Variants in CDX1 observed in about 807,000 individuals in gnomAD.
CDX1 encodes the protein homeobox protein CDX-1.
A neutral mutation model predicts 16.9 loss-of-function variants in CDX1; 9 were observed. The observed-to-expected ratio is 0.53, with a 90% CI of 0.32 to 0.93. CDX1 has a LOEUF of 0.93. CDX1 is among the 40% of genes least tolerant of loss of function. CDX1 has a pLI of 0.04. For synonymous variants in CDX1, 179 were observed against 179.0 expected (o/e 1.00, Z 0.00); for missense variants, 393 against 386.1 (o/e 1.02, Z -0.15).
chr5:150,175,543 G>T (rs972987076), intron 1 of CDX1, among the ~76,000 whole-genome samples: 2 of 152,024 alleles, frequency 1.3e-5, no homozygotes, highest in Non-Finnish European at 2.9e-5. Context: ...CCCTTTCCCC[G>T]CTCCCATGCC....
At position 150,174,465 on chromosome 5, in the gene CDX1, G is replaced by A. The variant is rs376724727; in HGVS notation, c.445+7144G>A. On this transcript the variant is annotated intron_variant, in intron 1 of 2. Transcript: ENST00000231656. Reference sequence around the variant, plus strand: ...ACTGGCTGCTTTGCAGCTAGTAGGCGTGTGCTGCAGTGTGGGCGTCCGGAC... The same window carrying A: ...ACTGGCTGCTTTGCAGCTAGTAGGCATGTGCTGCAGTGTGGGCGTCCGGAC... 1.0e-3 allele frequency among the ~76,000 whole-genome samples: 152 copies of A among 152,334 alleles called. 1 individual carries two copies. The highest frequency in any genetic ancestry group is 3.3e-3 in the African/African-American group (137 of 41,572).
At chr5:150,174,153 C>G (rs946853629) in intron 1 of CDX1, among the ~76,000 whole-genome samples, 2 of 152,212 alleles carry the variant, frequency 1.3e-5, no homozygotes, top group Non-Finnish European at 2.9e-5. Flanking sequence ...GGGCTGGAGG[C>G]AGAGCCCCTC....
In CDX1 at chr5:150,167,047, C is replaced by T. The variant is rs1335935397; in HGVS notation, c.171C>T (p.Pro57=). The change falls in exon 1 of 3, where the codon CCC becomes CCT. Residue 57 remains proline (P), a synonymous_variant. Transcript: ENST00000231656. ...CTCACGTGGAGCCGGCCCCCGCGCC[C>T]CCGACGGCCTGGGGGGCGCCCTTCC... The part of the protein sequence containing the change: ...SYSHVEPAPA[P]PTAWGAPFPA... 12 of 1,431,684 alleles carry T rather than the reference C, an allele frequency of 8.4e-6. No homozygotes were observed. The highest frequency in any genetic ancestry group is 1.1e-5 in the Non-Finnish European group (12 of 1,098,204). 88.7% of individuals were successfully genotyped at this position (1,431,684 alleles called of 1,614,324 possible). A position where few individuals can be genotyped will look rare whatever the true frequency, so the allele number is the denominator to read the frequency against.
chr5:150,179,068 A>T (rs755271829), intron 1 of CDX1, among the ~76,000 whole-genome samples: 14 of 152,056 alleles, frequency 9.2e-5, no homozygotes, highest in Non-Finnish European at 7.3e-5. Flanking sequence ...TGGAAGTGGG[A>T]TTCTTCGGTC....
intron 1 of CDX1, among the ~76,000 whole-genome samples, chr5:150,175,554 A>G (rs920166275): frequency 3.3e-5 from 5 of 152,110 alleles, no homozygotes; most frequent in Non-Finnish European, 5.9e-5. Flanking sequence ...CTCCCATGCC[A>G]GCTTCATCCC....
intron 1 of CDX1, among the ~76,000 whole-genome samples, chr5:150,176,583 G>C (rs949296176): frequency 6.6e-6 from 1 of 152,162 alleles, no homozygotes; most frequent in Admixed American, 6.5e-5. Context: ...TGGCAGGGGG[G>C]GCCAGGAGGT....
At chr5:150,183,199 G>C (rs1383993258) in intron 2 of CDX1, among the ~76,000 whole-genome samples, 1 of 152,214 alleles carries the variant, frequency 6.6e-6, no homozygotes, top group African/African-American at 2.4e-5. Flanking sequence ...TAGGGGAGCA[G>C]TCACAGGGAT....
intron 1 of CDX1, among the ~76,000 whole-genome samples, chr5:150,181,132 C>T (rs989296718): frequency 6.6e-6 from 1 of 152,220 alleles, no homozygotes; most frequent in South Asian, 2.1e-4. Flanking sequence ...CTCACTGCAC[C>T]TCAGCTCCAC....
chr5:150,179,986 AC>A (rs992815719), intron 1 of CDX1, among the ~76,000 whole-genome samples: 3 of 152,142 alleles, frequency 2.0e-5, no homozygotes, highest in African/African-American at 7.2e-5. Flanking sequence ...GGCCTCAGTG[AC>A]CCTGACTACA....
chr5:150,167,420 T>C (rs1242147676), intron 1 of CDX1, 99 bp downstream of exon 1: 15 of 828,076 alleles, frequency 1.8e-5, no homozygotes, highest in Non-Finnish European at 1.8e-5. Flanking sequence ...CCTGCTCGGG[T>C]TCCCGGGAGT....
Position 150,183,549 on chromosome 5 carries a change from C to G in CDX1, c.667C>G (p.Pro223Ala), listed in dbSNP as rs1752498109. Reference sequence around the variant, plus strand: ...GAAGAAACAGCAGCAGCAACAGCCCCCACAGCCGCCGATGGCCCACGACAT... The same window carrying G: ...GAAGAAACAGCAGCAGCAACAGCCCGCACAGCCGCCGATGGCCCACGACAT... Reference protein sequence around the residue: ...NKKKQQQQQPPQPPMAHDITA... With the variant: ...NKKKQQQQQPAQPPMAHDITA... The change falls in exon 3 of 3, where the codon CCA (proline) becomes GCA (alanine). Residue 223 changes from proline to alanine, a missense_variant. By Grantham distance (27) the Pro-to-Ala change is conservative. Coordinates refer to ENST00000231656, the MANE Select transcript of CDX1 (RefSeq NM_001804.3). 6.2e-7 allele frequency: 1 copy of G among 1,612,476 alleles called. No individual in the cohort carries two copies. The highest frequency in any genetic ancestry group is 8.5e-7 in the Non-Finnish European group (1 of 1,178,946).
At chr5:150,173,622 TGAA>T (rs1382194512) in intron 1 of CDX1, among the ~76,000 whole-genome samples, 1 of 152,204 alleles carries the variant, frequency 6.6e-6, no homozygotes, top group Non-Finnish European at 1.5e-5. Flanking sequence ...TCCCCTGCCA[TGAA>T]GGAGATAATG....
rs1752516646 is a variant in CDX1 at position 150,184,221 on chromosome 5, A to G, written c.*541A>G. On this transcript the variant is annotated 3_prime_UTR_variant, in exon 3 of 3. Transcript: ENST00000231656. ...GGATACTAAGCACAAAGCCCATAGC[A>G]CTGGGCTCTGATGGCTGCTCCACTG... 6.6e-6 allele frequency: 1 copy of G among 152,328 alleles called. No homozygotes were observed. The highest frequency in any genetic ancestry group is 2.4e-5 in the African/African-American group (1 of 41,460). 9.4% of individuals were successfully genotyped at this position (152,328 alleles called of 1,614,324 possible). A position where few individuals can be genotyped will look rare whatever the true frequency, so the allele number is the denominator to read the frequency against.
intron 1 of CDX1, among the ~76,000 whole-genome samples, chr5:150,167,987 G>T (rs992545464): frequency 6.6e-6 from 1 of 152,226 alleles, no homozygotes; most frequent in Non-Finnish European, 1.5e-5. Context: ...CTGCCCCCAG[G>T]CAGGCCTCTC....
rs768349561 is a variant in CDX1, at chr5:150,179,755, G to T, written c.446-3013G>T. Among the ~76,000 whole-genome samples, 53 of 152,198 alleles carry T rather than the reference G, an allele frequency of 3.5e-4. 3 individuals are homozygous for T. Among genetic ancestry groups the T allele is most frequent in the Non-Finnish European group, 8.8e-5 (6 of 68,022 alleles). ...GGGCATTTTAAGGGCCCCCAGCCTG[G>T]GGCTCTCAGTAGCCTTCCCTCACCA... On this transcript the variant is annotated intron_variant, in intron 1 of 2. Coordinates refer to ENST00000231656, the MANE Select transcript of CDX1 (RefSeq NM_001804.3).
intron 1 of CDX1, among the ~76,000 whole-genome samples, chr5:150,175,052 C>T (rs747616565): frequency 5.9e-5 from 9 of 152,150 alleles, no homozygotes; most frequent in African/African-American, 9.7e-5. Flanking sequence ...GCTGGGATTA[C>T]AGGCATGAGC....
intron 1 of CDX1, among the ~76,000 whole-genome samples, chr5:150,178,850 C>CT (rs1035973409): frequency 3.8e-4 from 57 of 151,388 alleles, no homozygotes; most frequent in Admixed American, 1.1e-3. Flanking sequence ...TTCTGTCTTG[C>CT]TTTTTTTTTC....
chr5:150,181,244 C>T (rs1235403612), intron 1 of CDX1, among the ~76,000 whole-genome samples: 1 of 152,186 alleles, frequency 6.6e-6, no homozygotes, highest in Non-Finnish European at 1.5e-5. Context: ...AGAAGCCTCT[C>T]CCCAGATGTC....
At chr5:150,178,911 C>A (rs569815561) in intron 1 of CDX1, among the ~76,000 whole-genome samples, 1 of 151,980 alleles carries the variant, frequency 6.6e-6, no homozygotes, top group South Asian at 2.1e-4. Context: ...TTTGAAATTT[C>A]TTTTTAATGA....
Sources: gnomAD v4.1 joint callset for allele counts (sites outside exome capture counted in the v4.1 genomes callset) on GRCh38, gnomAD v4.1.1 for gene constraint, MANE v1.5 for transcripts, NCBI Gene and HGNC (gene_info 2026-07-23, HGNC 2026-07-21) for gene names.